PTPN1: variants seen among roughly 807,000 people sequenced by gnomAD.
PTPN1 encodes the protein protein tyrosine phosphatase non-receptor type 1.
A neutral mutation model predicts 59.9 loss-of-function variants in PTPN1; 12 were observed. The ratio of observed to expected loss-of-function variants is 0.20; its 90% CI spans 0.13 to 0.32. The LOEUF (loss-of-function observed/expected upper bound fraction) is 0.32. PTPN1 is among the 10% of genes least tolerant of loss of function. The probability of loss-of-function intolerance (pLI) is 1.00; values close to 1 mark genes in which losing one functional copy is unlikely to be tolerated. For missense variants in PTPN1, 356 were observed against 549.2 expected, an observed-to-expected ratio of 0.65 and a Z score of 3.52; for synonymous variants, 178 against 203.6, an observed-to-expected ratio of 0.87 and a Z score of 1.07.
chr20:50,524,833 C>G (rs995658759), intron 1 of PTPN1, among the ~76,000 whole-genome samples: 2 of 151,956 alleles, frequency 1.3e-5, no homozygotes, highest in African/African-American at 4.8e-5. Flanking sequence ...CTTCAGCCTC[C>G]CAAAGTGCTG....
At chr20:50,581,835 TG>T (rs775424001) in intron 9 of PTPN1, among the ~76,000 whole-genome samples, 1 of 152,158 alleles carries the variant, frequency 6.6e-6, no homozygotes, top group Non-Finnish European at 1.5e-5. Context: ...AGCAGCTTTT[TG>T]TTATTTCTGG....
chr20:50,547,676 C>T (rs2082681901), intron 1 of PTPN1, among the ~76,000 whole-genome samples: 2 of 152,180 alleles, frequency 1.3e-5, no homozygotes. Context: ...TAAAATTTTT[C>T]AGTGGTAGAC....
chr20:50,563,502 A>G (rs1178111460), intron 2 of PTPN1, among the ~76,000 whole-genome samples: 2 of 152,064 alleles, frequency 1.3e-5, no homozygotes, highest in Non-Finnish European at 2.9e-5. Context: ...GTTTGAACCC[A>G]CTCACATAAC....
At chr20:50,565,182 A>C (rs1030568377) in intron 3 of PTPN1, 113 bp downstream of exon 3, 34 of 1,113,920 alleles carry the variant, frequency 3.1e-5, no homozygotes, top group Non-Finnish European at 3.6e-5. Flanking sequence ...GGATTTCAGC[A>C]TACCAAAAAG....
intron 1 of PTPN1, among the ~76,000 whole-genome samples, chr20:50,558,263 C>T (rs371630082): frequency 1.5e-4 from 23 of 152,262 alleles, no homozygotes; most frequent in African/African-American, 5.1e-4. Flanking sequence ...ACATATAATA[C>T]AACCCACATA....
intron 1 of PTPN1, among the ~76,000 whole-genome samples, chr20:50,516,999 A>G (rs1310453364): frequency 1.3e-5 from 2 of 152,216 alleles, no homozygotes; most frequent in African/African-American, 4.8e-5. Context: ...TTTAGAGTTT[A>G]ATAGCTGCTG....
chr20:50,560,549 C>T (rs945061944), intron 1 of PTPN1, among the ~76,000 whole-genome samples: 10 of 151,908 alleles, frequency 6.6e-5, no homozygotes, highest in Non-Finnish European at 2.9e-5. Context: ...AGCCTGATTT[C>T]CAGCTTCCAG....
chr20:50,536,375 A>G lies in PTPN1; in HGVS notation c.64-24988A>G, dbSNP rs377008153. On this transcript the variant is annotated intron_variant, in intron 1 of 9. Transcript: ENST00000371621. ...GAAACGTGTACCAATGGCCTCTTTT[A>G]TAATTATAAGAGGAAGACCAACCTG... is the stretch of plus-strand genomic sequence containing the variant. Among the ~76,000 whole-genome samples, 19 of 152,332 alleles carry G rather than the reference A, an allele frequency of 1.2e-4. 1 individual carries two copies. The highest frequency in any genetic ancestry group is 4.6e-4 in the African/African-American group (19 of 41,578).
chr20:50,510,633 C>A (rs1253731797), intron 1 of PTPN1, 43 bp downstream of exon 1: 1 of 1,540,964 alleles, frequency 6.5e-7, no homozygotes. Flanking sequence ...TCGCTTAGGC[C>A]GCTTGAACAT....
intron 1 of PTPN1, among the ~76,000 whole-genome samples, chr20:50,521,781 T>C (rs1390853369): frequency 1.3e-5 from 2 of 152,246 alleles, no homozygotes; most frequent in Non-Finnish European, 2.9e-5. Flanking sequence ...CAACTCTGGA[T>C]TCTGGCCTCT....
chr20:50,516,298 G>A (rs1325620333), intron 1 of PTPN1, among the ~76,000 whole-genome samples: 2 of 152,030 alleles, frequency 1.3e-5, no homozygotes, highest in Non-Finnish European at 2.9e-5. Context: ...GGGCAAGAGA[G>A]TAGTTTCATG....
Position 50,581,251 on chromosome 20 carries a change from C to G in PTPN1, c.1089-14C>G. ...CCAAAGTGAGTAACCCATCTCTGCC[C>G]TCTGATTCCTCAGCATGAGTCAAGA... is the stretch of plus-strand genomic sequence containing the variant. On this transcript the variant is annotated splice_polypyrimidine_tract_variant and intron_variant, in intron 8 of 9. Transcript: ENST00000371621. The G allele has an allele frequency of 3.8e-6, 6 of 1,583,334 alleles. No homozygotes were observed. The highest frequency in any genetic ancestry group is 5.2e-6 in the Non-Finnish European group (6 of 1,157,174).
chr20:50,570,764 T>C (rs1311254642), intron 4 of PTPN1, among the ~76,000 whole-genome samples: 1 of 152,112 alleles, frequency 6.6e-6, no homozygotes, highest in African/African-American at 2.4e-5. Context: ...CTGTAGGAAG[T>C]TTAGCAGCAT....
chr20:50,554,380 ATCTCTCTC>A (rs1555829975), intron 1 of PTPN1, among the ~76,000 whole-genome samples: 17 of 140,280 alleles, frequency 1.2e-4, no homozygotes, highest in South Asian at 2.4e-4. Flanking sequence ...GCAAGACCAC[ATCTCTCTC>A]TCTCTCTCTC....
chr20:50,566,278 T>C (rs962905946), intron 3 of PTPN1, among the ~76,000 whole-genome samples: 2 of 152,202 alleles, frequency 1.3e-5, no homozygotes, highest in African/African-American at 4.8e-5. Flanking sequence ...AATTTCCTAC[T>C]TCTTGATTTC....
intron 1 of PTPN1, among the ~76,000 whole-genome samples, chr20:50,542,130 A>G (rs2082655789): frequency 6.6e-6 from 1 of 152,166 alleles, no homozygotes; most frequent in African/African-American, 2.4e-5. Flanking sequence ...TGCAAGTACA[A>G]TGTGGTCTTC....
At chr20:50,551,213 T>G (rs972551984) in intron 1 of PTPN1, among the ~76,000 whole-genome samples, 1 of 152,232 alleles carries the variant, frequency 6.6e-6, no homozygotes, top group Non-Finnish European at 1.5e-5. Flanking sequence ...ATCTGTTACC[T>G]TCTTAAATGA....
At chr20:50,556,899 C>T (rs1300278137) in intron 1 of PTPN1, among the ~76,000 whole-genome samples, 4 of 152,172 alleles carry the variant, frequency 2.6e-5, no homozygotes, top group Non-Finnish European at 4.4e-5. Context: ...GAGCCGATAT[C>T]GCATTATTTC....
intron 4 of PTPN1, among the ~76,000 whole-genome samples, chr20:50,570,436 T>C (rs1460055662): frequency 6.6e-6 from 1 of 152,238 alleles, no homozygotes; most frequent in African/African-American, 2.4e-5. Flanking sequence ...TAATGTATCT[T>C]GTCTTAGAAA....
Sources: allele counts gnomAD v4.1 joint callset (sites outside exome capture counted in the v4.1 genomes callset), GRCh38; gene constraint gnomAD v4.1.1; transcripts MANE v1.5; gene names NCBI Gene and HGNC (gene_info 2026-07-23, HGNC 2026-07-21).